ERICH3: variants seen among roughly 807,000 people sequenced by gnomAD.
ERICH3 encodes glutamate-rich protein 3.
In ERICH3, 126 loss-of-function variants were observed where a neutral mutation model predicts 131.1. That is an observed-to-expected ratio of 0.96 (90% CI 0.83 to 1.11). The LOEUF (loss-of-function observed/expected upper bound fraction) is 1.11. ERICH3 is among the 50% of genes most tolerant of loss of function. The probability of loss-of-function intolerance (pLI) is 0.00; values close to 1 mark genes in which losing one functional copy is unlikely to be tolerated. For synonymous variants in ERICH3, 695 were observed against 644.6 expected (o/e 1.08, Z -1.18); for missense variants, 2,050 against 1,810.7 (o/e 1.13, Z -2.40).
chr1:74,670,458 G>A (rs768718343), intron 1 of ERICH3, among the ~76,000 whole-genome samples: 1 of 152,102 alleles, frequency 6.6e-6, no homozygotes, highest in Non-Finnish European at 1.5e-5. Context: ...AGGAAGTCAG[G>A]GACCCCGAAC....
chr1:74,576,924 A>G lies in ERICH3; in HGVS notation c.2189T>C (p.Leu730Ser). The part of the protein sequence containing the change: ...PGLEEGGKDS[L>S]PLAYVLALGA... ...AAGAGCCAGGACATAGGCTAATGGC[A>G]ATGAATCCTTTCCTAGTTAAAAAAA... Residue 730 changes from leucine to serine, a missense_variant, in exon 13 of 15, where the codon TTG becomes TCG. Physicochemically the swap from Leu to Ser is moderately radical, Grantham distance 145. Coordinates refer to ENST00000326665, the MANE Select transcript of ERICH3 (RefSeq NM_001002912.5). The G allele has an allele frequency of 6.2e-7, 1 of 1,602,552 alleles. No individual in the cohort carries two copies. The highest frequency in any genetic ancestry group is 2.2e-5 in the East Asian group (1 of 44,734).
intron 9 of ERICH3, among the ~76,000 whole-genome samples, chr1:74,612,181 A>G (rs531691190): frequency 6.6e-6 from 1 of 152,264 alleles, no homozygotes; most frequent in East Asian, 1.9e-4. Flanking sequence ...GGCAAACCTA[A>G]CCTCTAAAAG....
Position 74,589,898 on chromosome 1 carries a change from C to T in ERICH3, c.1909G>A (p.Glu637Lys), listed in dbSNP as rs147004355. ...TCAATTTCAATTTCTAAGGATTCCT[C>T]AATTGGAAGGTGAGACTTTCTTGGC... ...DKPRKSHLPI[E>K]ESLEIEIEDQ... Residue 637 changes from glutamate (E) to lysine (K), a missense_variant, in exon 12 of 15, where the codon GAG becomes AAG. Physicochemically the swap from Glu to Lys is moderately conservative, Grantham distance 56. Coordinates refer to ENST00000326665, the MANE Select transcript of ERICH3 (RefSeq NM_001002912.5). The T allele has an allele frequency of 1.7e-5, 28 of 1,613,862 alleles. No homozygotes were observed. In the African/African-American group the frequency reaches 3.6e-4, roughly 21 times the overall value.
chr1:74,641,146 G>A (rs899592199), intron 5 of ERICH3, among the ~76,000 whole-genome samples, 185 bp downstream of exon 5: 1 of 152,080 alleles, frequency 6.6e-6, no homozygotes, highest in African/African-American at 2.4e-5. Flanking sequence ...TTTGGCAGTA[G>A]TGATATTGAC....
Position 74,571,415 on chromosome 1 carries a change from C to T in ERICH3, c.4295G>A (p.Gly1432Asp). Residue 1432 changes from glycine (G) to aspartate (D), a missense_variant, in exon 14 of 15, where the codon GGC becomes GAC. Gly to Asp is a moderately conservative substitution (Grantham distance 94). Coordinates refer to ENST00000326665, the MANE Select transcript of ERICH3 (RefSeq NM_001002912.5). ...CTTCCGCTCCAGGGCTCCTGGAGTG[C>T]CCACCCCAGCCTCTGTTGTATATGT... ...TVTYTTEAGV[G>D]TPGALERKTS... The T allele has an allele frequency of 6.2e-7, 1 of 1,613,944 alleles. No individual in the cohort carries two copies. Among genetic ancestry groups the T allele is most frequent in the Non-Finnish European group, 8.5e-7 (1 of 1,179,994 alleles).
At chr1:74,671,068 C>T (rs911443629) in intron 1 of ERICH3, among the ~76,000 whole-genome samples, 1 of 152,194 alleles carries the variant, frequency 6.6e-6, no homozygotes, top group Non-Finnish European at 1.5e-5. Context: ...TTTCTCTGCT[C>T]TCAAACCCTG....
chr1:74,596,129 G>A (rs1397211531), intron 11 of ERICH3, among the ~76,000 whole-genome samples: 1 of 151,996 alleles, frequency 6.6e-6, no homozygotes, highest in East Asian at 1.9e-4. Context: ...GACTTTAAAA[G>A]TTTATAAGAT....
intron 3 of ERICH3, among the ~76,000 whole-genome samples, chr1:74,643,744 A>T (rs1203806415): frequency 6.6e-6 from 1 of 152,118 alleles, no homozygotes; most frequent in East Asian, 1.9e-4. Context: ...GAAGCAGAGG[A>T]TAATGAACTT....
chr1:74,638,137 A>C (rs544623288), intron 5 of ERICH3, among the ~76,000 whole-genome samples: 1 of 152,280 alleles, frequency 6.6e-6, no homozygotes, highest in South Asian at 2.1e-4. Context: ...AGTGTGTGTA[A>C]ATACTTTAAA....
intron 12 of ERICH3, among the ~76,000 whole-genome samples, chr1:74,583,118 G>A (rs1283512300): frequency 2.0e-5 from 3 of 152,048 alleles, no homozygotes; most frequent in Non-Finnish European, 2.9e-5. Context: ...TGTCATTGTC[G>A]GCCAGAGCAG....
intron 5 of ERICH3, among the ~76,000 whole-genome samples, chr1:74,637,882 G>A (rs909317994): frequency 6.6e-6 from 1 of 151,640 alleles, no homozygotes; most frequent in Admixed American, 6.6e-5. Context: ...CTGCACTTCA[G>A]CCTGGGCCAC....
intron 12 of ERICH3, among the ~76,000 whole-genome samples, chr1:74,585,829 T>C (rs912080055): frequency 6.6e-6 from 1 of 152,142 alleles, no homozygotes; most frequent in Admixed American, 6.6e-5. Flanking sequence ...ATTTCAAGAA[T>C]ATTTTTGACT....
At chr1:74,590,960 C>CA (rs1647568416) in intron 11 of ERICH3, among the ~76,000 whole-genome samples, 1 of 152,062 alleles carries the variant, frequency 6.6e-6, no homozygotes, top group Non-Finnish European at 1.5e-5. Context: ...GTCTCTTCAA[C>CA]AAAAGCTTTT....
At chr1:74,652,233 A>G (rs1373584903) in intron 1 of ERICH3, among the ~76,000 whole-genome samples, 2 of 152,096 alleles carry the variant, frequency 1.3e-5, no homozygotes, top group Non-Finnish European at 2.9e-5. Flanking sequence ...TTATATACAG[A>G]TTTGGTAAAA....
chr1:74,600,787 G>A (rs573751782), intron 10 of ERICH3, among the ~76,000 whole-genome samples: 1 of 151,860 alleles, frequency 6.6e-6, no homozygotes, highest in South Asian at 2.1e-4. Flanking sequence ...AGAGCAAAAG[G>A]ATCTCATGCA....
intron 1 of ERICH3, among the ~76,000 whole-genome samples, chr1:74,655,166 T>C (rs915999727): frequency 1.3e-5 from 2 of 152,164 alleles, no homozygotes; most frequent in African/African-American, 2.4e-5. Flanking sequence ...AGCATACTTG[T>C]TTGAAGAGAT....
chr1:74,658,907 GC>G (rs1189889730), intron 1 of ERICH3, among the ~76,000 whole-genome samples: 1 of 152,162 alleles, frequency 6.6e-6, no homozygotes, highest in African/African-American at 2.4e-5. Context: ...TTTCTGTTAA[GC>G]ATTAGTATGA....
chr1:74,598,387 C>T (rs1342702372), intron 11 of ERICH3, among the ~76,000 whole-genome samples: 1 of 151,704 alleles, frequency 6.6e-6, no homozygotes, highest in South Asian at 2.1e-4. Context: ...GGATATGTCC[C>T]TAACCTTTGG....
intron 1 of ERICH3, among the ~76,000 whole-genome samples, chr1:74,672,419 C>T (rs1464106874): frequency 2.0e-5 from 3 of 152,190 alleles, no homozygotes; most frequent in African/African-American, 4.8e-5. Flanking sequence ...TGATTTCCAA[C>T]GTGGCACCTT....
Sources: gnomAD v4.1 joint callset for allele counts (sites outside exome capture counted in the v4.1 genomes callset) on GRCh38, gnomAD v4.1.1 for gene constraint, MANE v1.5 for transcripts, NCBI Gene and HGNC (gene_info 2026-07-23, HGNC 2026-07-21) for gene names.